The following PRKRIP1 variants were observed in gnomAD, a reference collection of about 807,000 sequenced individuals.
PRKRIP1 encodes PRKR interacting protein 1.
A neutral mutation model predicts 29.3 loss-of-function variants in PRKRIP1; 29 were observed. That is an observed-to-expected ratio of 0.99 (90% confidence interval 0.74 to 1.35). PRKRIP1 has a LOEUF of 1.35. PRKRIP1 is among the 40% of genes most tolerant of loss of function. PRKRIP1 has a pLI of 0.00. For synonymous variants in PRKRIP1, 90 were observed against 85.1 expected (o/e 1.06, Z -0.32); for missense variants, 247 against 236.8 (o/e 1.04, Z -0.28).
chr7:102,418,288 A>G (rs1474796951), intron 5 of PRKRIP1, among the ~76,000 whole-genome samples: 1 of 152,018 alleles, frequency 6.6e-6, no homozygotes, highest in African/African-American at 2.4e-5. Context: ...AGCCTCAAAC[A>G]GTCCACCTGC....
Position 102,425,072 on chromosome 7 carries a change from G to T in PRKRIP1, c.516G>T (p.Glu172Asp). ...GCTCTGCGGAGGCATCTGGAACAGAGGAGGAGGAGGAAGTGCCCAGTTTCA... is the reference window on the plus strand; with the variant it reads ...GCTCTGCGGAGGCATCTGGAACAGATGAGGAGGAGGAAGTGCCCAGTTTCA... ...SSSSAEASGTEEEEEVPSFTM... is the reference protein window; with the variant it reads ...SSSSAEASGTDEEEEVPSFTM... Residue 172 changes from glutamate to aspartate, a missense_variant, in exon 6 of 6, where the codon GAG becomes GAT. Physicochemically the swap from Glu to Asp is conservative, Grantham distance 45. Transcript: ENST00000397912. 6.2e-7 allele frequency: 1 copy of T among 1,601,070 alleles called. No individual in the cohort carries two copies. The highest frequency in any genetic ancestry group is 8.5e-7 in the Non-Finnish European group (1 of 1,172,466).
chr7:102,416,164 G>A (rs79932953), intron 5 of PRKRIP1, among the ~76,000 whole-genome samples: 4,214 of 152,348 alleles, frequency 0.028, 90 homozygotes, highest in African/African-American at 0.045. Context: ...GGCCCTGCCA[G>A]ATCAGATAAG....
intron 5 of PRKRIP1, among the ~76,000 whole-genome samples, chr7:102,407,888 AGAG>A (rs781865146): frequency 9.9e-5 from 15 of 152,132 alleles, no homozygotes; most frequent in Non-Finnish European, 2.1e-4. Context: ...GGGAAAATTG[AGAG>A]GATGTCTCAG....
intron 3 of PRKRIP1, among the ~76,000 whole-genome samples, chr7:102,401,474 C>A (rs1796069219): frequency 6.6e-6 from 1 of 152,204 alleles, no homozygotes; most frequent in Non-Finnish European, 1.5e-5. Context: ...TGGCTCATGC[C>A]TGTAATCCCA....
Position 102,396,372 on chromosome 7 carries a change from C to T in PRKRIP1, c.-40C>T, listed in dbSNP as rs112609338. On this transcript the variant is annotated 5_prime_UTR_variant, in exon 1 of 6. Coordinates refer to ENST00000397912, the MANE Select transcript of PRKRIP1 (RefSeq NM_024653.4). The stretch of plus-strand genomic sequence containing the variant: ...GCGCGGCTGTGTCGTCATACTTGCG[C>T]GCCGACGCCGCCGCTCGCTTGTGAA... 2.7e-6 allele frequency: 4 copies of T among 1,486,506 alleles called. No individual in the cohort carries two copies. Among genetic ancestry groups the T allele is most frequent in the East Asian group, 2.6e-5 (1 of 39,104 alleles). 92.1% of individuals were successfully genotyped at this position (1,486,506 alleles called of 1,614,324 possible). A position where few individuals can be genotyped will look rare whatever the true frequency, so the allele number is the denominator to read the frequency against.
chr7:102,405,250 T>G (rs1349535048), intron 4 of PRKRIP1, among the ~76,000 whole-genome samples: 1 of 152,206 alleles, frequency 6.6e-6, no homozygotes, highest in Non-Finnish European at 1.5e-5. Flanking sequence ...AACAAGGTGC[T>G]GCAACCAAAC....
intron 3 of PRKRIP1, among the ~76,000 whole-genome samples, chr7:102,400,940 A>G (rs564528295): frequency 3.9e-5 from 6 of 152,250 alleles, no homozygotes; most frequent in South Asian, 2.1e-4. Flanking sequence ...CCGGCCAGCT[A>G]TTACTTTAAA....
intron 5 of PRKRIP1, among the ~76,000 whole-genome samples, chr7:102,424,407 T>C (rs1554574179): frequency 1.3e-5 from 2 of 152,222 alleles, no homozygotes; most frequent in African/African-American, 4.8e-5. Context: ...CTCTCACTTG[T>C]CCTCCTGCTC....
At chr7:102,415,547 T>A (rs1796512240) in intron 5 of PRKRIP1, among the ~76,000 whole-genome samples, 1 of 152,226 alleles carries the variant, frequency 6.6e-6, no homozygotes, top group Non-Finnish European at 1.5e-5. Flanking sequence ...CAAAGCTATT[T>A]TATAAAATGT....
chr7:102,397,621 A>G lies in PRKRIP1; in HGVS notation c.128A>G (p.Asp43Gly). 6.2e-7 allele frequency: 1 copy of G among 1,613,468 alleles called. No individual in the cohort carries two copies. The highest frequency in any genetic ancestry group is 8.5e-7 in the Non-Finnish European group (1 of 1,179,486). ...TGCTTTCATGTTTAAATGTTGCAGG[A>G]CAAAGCAGTTCCAATTCCAGAGAAA... ...LKLERLMKNP[D>G]KAVPIPEKMS... Residue 43 changes from aspartate (D) to glycine (G), a missense_variant and splice_region_variant, in exon 2 of 6, where the codon GAC (aspartate) becomes GGC (glycine). Transcript: ENST00000397912.
chr7:102,403,616 C>A (rs1318647025), intron 3 of PRKRIP1, among the ~76,000 whole-genome samples: 1 of 152,196 alleles, frequency 6.6e-6, no homozygotes, highest in Non-Finnish European at 1.5e-5. Flanking sequence ...CCTGTCTCAG[C>A]CTCCTGAGTA....
intron 5 of PRKRIP1, among the ~76,000 whole-genome samples, chr7:102,416,086 G>A (rs1796528435): frequency 1.3e-5 from 2 of 152,100 alleles, no homozygotes; most frequent in African/African-American, 4.8e-5. Context: ...CCTTCCTCCG[G>A]CCCCCGGCCC....
Position 102,422,507 on chromosome 7 carries a change from A to G in PRKRIP1, c.458-2507A>G, listed in dbSNP as rs190834838. On this transcript the variant is annotated intron_variant, in intron 5 of 5. Transcript: ENST00000397912. ...TACAGGTGCACCACCACGCCCAGCT[A>G]ATTTTTGTATTTTTAGTAGAGACGG... Among the ~76,000 whole-genome samples, 525 of 151,658 alleles carry G rather than the reference A, an allele frequency of 3.5e-3. 6 individuals are homozygous for G. Among genetic ancestry groups the G allele is most frequent in the African/African-American group, 0.012 (507 of 41,288 alleles).
At chr7:102,398,365 A>G (rs925048221) in intron 2 of PRKRIP1, among the ~76,000 whole-genome samples, 22 of 151,602 alleles carry the variant, frequency 1.5e-4, no homozygotes, top group Admixed American at 9.9e-4. Context: ...GCTCACTGCA[A>G]CCTCCGCCTT....
chr7:102,406,931 A>G (rs1554571900), intron 4 of PRKRIP1, among the ~76,000 whole-genome samples: 1 of 152,068 alleles, frequency 6.6e-6, no homozygotes, highest in African/African-American at 2.4e-5. Flanking sequence ...TTAAGAATAT[A>G]TAGGCCGGGC....
chr7:102,419,841 GTTTT>G (rs1398192570), intron 5 of PRKRIP1, among the ~76,000 whole-genome samples: 7 of 137,966 alleles, frequency 5.1e-5, no homozygotes, highest in African/African-American at 1.9e-4. Flanking sequence ...GTTTTTTTGT[GTTTT>G]TGTGTGTGTG....
intron 5 of PRKRIP1, among the ~76,000 whole-genome samples, chr7:102,418,175 G>C (rs1796604335): frequency 6.6e-6 from 1 of 151,692 alleles, no homozygotes. Flanking sequence ...TCAGCCTCCT[G>C]AGTAGCTGGG....
Position 102,422,143 on chromosome 7 carries a change from A to AATTATTATT in PRKRIP1, c.458-2844_458-2836dup, listed in dbSNP as rs34497895. On this transcript the variant is annotated intron_variant, in intron 5 of 5. Coordinates refer to ENST00000397912, the MANE Select transcript of PRKRIP1 (RefSeq NM_024653.4). ...GTACACAACTGTGTTTCATACACAA[A>AATTATTATT]ATTATTATTATTATTATTATTATTA... Among the ~76,000 whole-genome samples, 1,042 of 133,342 alleles carry AATTATTATT rather than the reference A, an allele frequency of 7.8e-3. 6 individuals carry two copies. The highest frequency in any genetic ancestry group is 0.015 in the Middle Eastern group (4 of 266). The allele number at this position is 133,342 out of a possible 152,430, so 87.5% of individuals were successfully genotyped here.
chr7:102,396,630 C>T (rs895216589), intron 1 of PRKRIP1, 93 bp downstream of exon 1: 4 of 1,380,732 alleles, frequency 2.9e-6, no homozygotes, highest in African/African-American at 3.0e-5. Flanking sequence ...TTCCCCGCCT[C>T]CAAACTCAGA....
Sources: allele counts gnomAD v4.1 joint callset (sites outside exome capture counted in the v4.1 genomes callset), GRCh38; gene constraint gnomAD v4.1.1; transcripts MANE v1.5; gene names NCBI Gene and HGNC (gene_info 2026-07-23, HGNC 2026-07-21).